Variants in PTPRK observed in about 807,000 individuals in gnomAD.
PTPRK encodes protein tyrosine phosphatase receptor type K.
A neutral mutation model predicts 178.0 loss-of-function variants in PTPRK; 75 were observed. That is an observed-to-expected ratio of 0.42 (90% CI 0.35 to 0.51). The LOEUF (loss-of-function observed/expected upper bound fraction) is 0.51, where lower values mean the gene tolerates loss of function less well. Among genes scored for constraint, PTPRK ranks in the 20% least tolerant of loss-of-function variants. PTPRK has a pLI of 0.02. For missense variants in PTPRK, 1,441 were observed against 1,797.8 expected, an observed-to-expected ratio of 0.80 and a Z score of 3.59; for synonymous variants, 637 against 620.6, an observed-to-expected ratio of 1.03 and a Z score of -0.39.
intron 3 of PTPRK, among the ~76,000 whole-genome samples, chr6:128,276,343 C>G (rs562505956): frequency 6.6e-6 from 1 of 152,118 alleles, no homozygotes; most frequent in South Asian, 2.1e-4. Flanking sequence ...TTCTCATTAT[C>G]CTTTTCTACT....
At chr6:128,110,606 T>C (rs970951513) in intron 7 of PTPRK, among the ~76,000 whole-genome samples, 11 of 151,886 alleles carry the variant, frequency 7.2e-5, no homozygotes, top group Admixed American at 4.6e-4. Context: ...AGTTGGCACT[T>C]TGAAGATAGA....
chr6:128,178,883 A>G (rs752156937), intron 7 of PTPRK, among the ~76,000 whole-genome samples: 26 of 151,972 alleles, frequency 1.7e-4, no homozygotes, highest in Non-Finnish European at 2.6e-4. Context: ...GAGCAAGATT[A>G]GTAGACATTC....
At chr6:127,986,270 T>G (rs575671602) in intron 21 of PTPRK, among the ~76,000 whole-genome samples, 2 of 152,260 alleles carry the variant, frequency 1.3e-5, no homozygotes, top group Non-Finnish European at 2.9e-5. Context: ...AAAAGCAACT[T>G]TCCAGCTTCT....
intron 7 of PTPRK, among the ~76,000 whole-genome samples, chr6:128,121,156 T>A (rs950309377): frequency 2.0e-5 from 3 of 151,934 alleles, no homozygotes; most frequent in Admixed American, 6.6e-5. Flanking sequence ...TTTGAAAACA[T>A]AACTTAAAAA....
chr6:128,213,109 A>G (rs1808534821), intron 6 of PTPRK, among the ~76,000 whole-genome samples: 1 of 152,048 alleles, frequency 6.6e-6, no homozygotes, highest in Non-Finnish European at 1.5e-5. Context: ...TTGAAAATGT[A>G]TGTTTAATGG....
chr6:128,508,346 G>A (rs543755589), intron 1 of PTPRK, among the ~76,000 whole-genome samples: 1 of 151,024 alleles, frequency 6.6e-6, no homozygotes, highest in East Asian at 1.9e-4. Context: ...AAGAATAAAT[G>A]AAAGGATATA....
At chr6:128,064,576 C>A (rs1383335729) in intron 13 of PTPRK, among the ~76,000 whole-genome samples, 182 bp downstream of exon 13, 2 of 152,070 alleles carry the variant, frequency 1.3e-5, no homozygotes, top group Admixed American at 1.3e-4. Flanking sequence ...AACAAGATTC[C>A]TTCAGTCAAG....
chr6:128,498,457 T>G (rs1206008563), intron 1 of PTPRK, among the ~76,000 whole-genome samples: 2 of 152,244 alleles, frequency 1.3e-5, no homozygotes, highest in African/African-American at 4.8e-5. Context: ...GCCCTTCCTC[T>G]ACTTTATTTG....
intron 3 of PTPRK, among the ~76,000 whole-genome samples, chr6:128,255,349 A>G (rs1413132157): frequency 3.3e-5 from 5 of 152,202 alleles, no homozygotes; most frequent in Non-Finnish European, 5.9e-5. Flanking sequence ...AGAACACAAT[A>G]TGGGAGATGG....
At chr6:128,054,724 T>G (rs909959173) in intron 13 of PTPRK, among the ~76,000 whole-genome samples, 2 of 152,168 alleles carry the variant, frequency 1.3e-5, no homozygotes, top group Non-Finnish European at 2.9e-5. Context: ...ACATATTACT[T>G]AAAAGAATAC....
intron 15 of PTPRK, chr6:128,000,277 AATAGGAT>A: frequency 7.8e-7 from 1 of 1,286,236 alleles, no homozygotes; most frequent in East Asian, 4.8e-5. Context: ...CAACTCTACA[AATAGGAT>A]ATAGCAAAAA....
chr6:128,000,320 A>G, intron 15 of PTPRK: 1 of 1,296,700 alleles, frequency 7.7e-7, no homozygotes, highest in Non-Finnish European at 1.0e-6. Flanking sequence ...CATGATAAAC[A>G]TTTTTTCTTC....
At chr6:128,143,902 A>G (rs1169013961) in intron 7 of PTPRK, among the ~76,000 whole-genome samples, 2 of 152,216 alleles carry the variant, frequency 1.3e-5, no homozygotes, top group Non-Finnish European at 2.9e-5. Flanking sequence ...TGACAAACGT[A>G]TAACTATAAT....
At chr6:128,034,028 T>C (rs529098535) in intron 13 of PTPRK, among the ~76,000 whole-genome samples, 2 of 152,340 alleles carry the variant, frequency 1.3e-5, no homozygotes, top group South Asian at 4.1e-4. Flanking sequence ...CGAAAAGATA[T>C]ACTTCGGTAC....
At chr6:128,114,243 G>A (rs1791126129) in intron 7 of PTPRK, among the ~76,000 whole-genome samples, 1 of 152,054 alleles carries the variant, frequency 6.6e-6, no homozygotes, top group Admixed American at 6.6e-5. Context: ...AATTATGGCA[G>A]AAGGTGAAGA....
At chr6:128,399,690 A>C (rs1043516466) in intron 1 of PTPRK, among the ~76,000 whole-genome samples, 6 of 152,170 alleles carry the variant, frequency 3.9e-5, no homozygotes, top group African/African-American at 1.4e-4. Context: ...TCTGTATATA[A>C]ATTTAAACTA....
intron 1 of PTPRK, among the ~76,000 whole-genome samples, chr6:128,475,364 G>A (rs572514499): frequency 1.4e-4 from 21 of 152,198 alleles, no homozygotes; most frequent in Middle Eastern, 6.8e-3. Context: ...AGACTCCCAT[G>A]ATTAGATTTT....
At chr6:128,398,654 T>C (rs1424139013) in intron 1 of PTPRK, among the ~76,000 whole-genome samples, 6 of 152,230 alleles carry the variant, frequency 3.9e-5, no homozygotes, top group African/African-American at 1.4e-4. Context: ...TAAAGCTTTT[T>C]AGGGTCTAAA....
chr6:128,362,566 T>G (rs1370643968), intron 2 of PTPRK, among the ~76,000 whole-genome samples: 1 of 152,238 alleles, frequency 6.6e-6, no homozygotes, highest in Non-Finnish European at 1.5e-5. Flanking sequence ...GATTTATAAA[T>G]GTAACCTTTG....
Sources: gnomAD v4.1 joint callset for allele counts (sites outside exome capture counted in the v4.1 genomes callset) on GRCh38, gnomAD v4.1.1 for gene constraint, MANE v1.5 for transcripts, NCBI Gene and HGNC (gene_info 2026-07-23, HGNC 2026-07-21) for gene names.